Variants in AGTPBP1 observed in about 807,000 individuals in gnomAD.
AGTPBP1 encodes the protein cytosolic carboxypeptidase 1.
Under a neutral mutation model 143.9 loss-of-function variants are expected in AGTPBP1, and 70 were observed. That is an observed-to-expected ratio of 0.49 (90% CI 0.40 to 0.59). AGTPBP1 has a LOEUF of 0.59. Ranked by LOEUF, AGTPBP1 falls within the 20% of genes least tolerant of loss-of-function variation. The probability of loss-of-function intolerance (pLI) is 0.00; values close to 1 mark genes in which losing one functional copy is unlikely to be tolerated. For missense variants in AGTPBP1, 1,229 were observed against 1,464.5 expected (o/e 0.84, Z 2.62); for synonymous variants, 463 against 500.2 (o/e 0.93, Z 0.99).
intron 18 of AGTPBP1, among the ~76,000 whole-genome samples, chr9:85,594,489 G>A (rs1829169872): frequency 6.6e-6 from 1 of 152,108 alleles, no homozygotes; most frequent in Non-Finnish European, 1.5e-5. Context: ...TGAGGTGAGA[G>A]GATCACTTGA....
intron 11 of AGTPBP1, among the ~76,000 whole-genome samples, chr9:85,647,169 C>T (rs937895732): frequency 9.9e-5 from 15 of 152,060 alleles, no homozygotes; most frequent in Non-Finnish European, 1.6e-4. Context: ...CCCAGCTACT[C>T]GGGAGGCTGA....
chr9:85,547,764 C>CAT (rs761857687), intron 25 of AGTPBP1, among the ~76,000 whole-genome samples: 1 of 152,304 alleles, frequency 6.6e-6, no homozygotes, highest in South Asian at 2.1e-4. Context: ...AAAAACAGCC[C>CAT]ATATACCCAC....
intron 17 of AGTPBP1, among the ~76,000 whole-genome samples, chr9:85,600,316 C>G (rs969203749): frequency 3.3e-5 from 5 of 152,112 alleles, no homozygotes; most frequent in African/African-American, 1.2e-4. Flanking sequence ...ATAAAACTCA[C>G]CATAACACAA....
intron 7 of AGTPBP1, among the ~76,000 whole-genome samples, chr9:85,672,316 G>C (rs988701208): frequency 6.6e-6 from 1 of 152,030 alleles, no homozygotes; most frequent in Non-Finnish European, 1.5e-5. Flanking sequence ...TGATCCGCCC[G>C]CCTTGGCCTC....
At chr9:85,769,148 C>T in the AGTPBP1 span, among the ~76,000 whole-genome samples, 1 of 151,538 alleles carries the variant, frequency 6.6e-6, no homozygotes, top group Non-Finnish European at 1.5e-5. Flanking sequence ...ACCAAGGACA[C>T]ATGAAATTTT....
intron 1 of AGTPBP1, among the ~76,000 whole-genome samples, chr9:85,734,028 C>T (rs145531759): frequency 0.015 from 2,257 of 152,178 alleles, 24 homozygotes; most frequent in Middle Eastern, 0.037. Context: ...CCAAGGTGGG[C>T]GGATCACAAG....
chr9:85,636,777 G>A (rs1044620098), intron 13 of AGTPBP1, among the ~76,000 whole-genome samples: 8 of 152,036 alleles, frequency 5.3e-5, no homozygotes, highest in South Asian at 2.1e-4. Flanking sequence ...CTGAAGAAGA[G>A]AACGCAGAGT....
intron 2 of AGTPBP1, among the ~76,000 whole-genome samples, chr9:85,700,082 T>C (rs369617525): frequency 3.3e-5 from 5 of 152,144 alleles, no homozygotes; most frequent in Non-Finnish European, 7.4e-5. Flanking sequence ...ATGAGGCCTC[T>C]GGAAAACAGC....
chr9:85,560,358 C>A (rs2132837079), intron 25 of AGTPBP1, among the ~76,000 whole-genome samples: 1 of 152,238 alleles, frequency 6.6e-6, no homozygotes, highest in Non-Finnish European at 1.5e-5. Context: ...GGAGTTAGAC[C>A]TTCAAATTCC....
chr9:85,647,720 T>C (rs1832904828), intron 11 of AGTPBP1, among the ~76,000 whole-genome samples: 1 of 152,212 alleles, frequency 6.6e-6, no homozygotes, highest in Admixed American at 6.5e-5. Flanking sequence ...AACAGATTTC[T>C]ATGTGAATGT....
chr9:85,753,801 GATA>G, the AGTPBP1 span, among the ~76,000 whole-genome samples: 1 of 140,586 alleles, frequency 7.1e-6, no homozygotes, highest in African/African-American at 2.6e-5. Flanking sequence ...TAGATAGATA[GATA>G]GATGTAAAAA....
intron 1 of AGTPBP1, among the ~76,000 whole-genome samples, chr9:85,721,723 C>A (rs1003285594): frequency 2.6e-5 from 4 of 152,072 alleles, no homozygotes; most frequent in African/African-American, 9.7e-5. Flanking sequence ...ATGATGTTAG[C>A]TGGTTATTTT....
chr9:85,638,266 A>G (rs1248712918), intron 13 of AGTPBP1, among the ~76,000 whole-genome samples: 1 of 152,174 alleles, frequency 6.6e-6, no homozygotes, highest in Non-Finnish European at 1.5e-5. Context: ...AATCTAGAGT[A>G]ACTAGAATTT....
intron 1 of AGTPBP1, among the ~76,000 whole-genome samples, chr9:85,714,010 C>A (rs912198485): frequency 6.6e-6 from 1 of 152,194 alleles, no homozygotes; most frequent in East Asian, 1.9e-4. Flanking sequence ...ACTAACAGCA[C>A]ATCTCATGAA....
At chr9:85,632,031 A>G (rs1424018029) in intron 14 of AGTPBP1, among the ~76,000 whole-genome samples, 1 of 151,892 alleles carries the variant, frequency 6.6e-6, no homozygotes, top group African/African-American at 2.4e-5. Flanking sequence ...TACTGTCTAT[A>G]TTGTTTCATT....
chr9:85,712,397 T>C (rs2134489562), intron 2 of AGTPBP1, 105 bp downstream of exon 2: 1 of 548,340 alleles, frequency 1.8e-6, no homozygotes. Flanking sequence ...ATATAACATA[T>C]TATACTTAAA....
chr9:85,627,092 A>G (rs992262495), intron 14 of AGTPBP1, among the ~76,000 whole-genome samples: 11 of 152,226 alleles, frequency 7.2e-5, no homozygotes, highest in African/African-American at 2.7e-4. Context: ...GAGGTGAATC[A>G]AAAGAATTAT....
intron 6 of AGTPBP1, among the ~76,000 whole-genome samples, chr9:85,673,995 C>T (rs960128497): frequency 6.6e-5 from 10 of 151,442 alleles, no homozygotes; most frequent in South Asian, 4.2e-4. Flanking sequence ...TGGTGGCGGG[C>T]GCCTGCAGTC....
At chr9:85,682,629 A>G (rs1484027650) in intron 3 of AGTPBP1, among the ~76,000 whole-genome samples, 5 of 152,204 alleles carry the variant, frequency 3.3e-5, no homozygotes, top group African/African-American at 1.2e-4. Context: ...CCCACTCTCA[A>G]TACAGTACAT....
Sources: allele counts gnomAD v4.1 joint callset (sites outside exome capture counted in the v4.1 genomes callset), GRCh38; gene constraint gnomAD v4.1.1; transcripts MANE v1.5; gene names NCBI Gene and HGNC (gene_info 2026-07-23, HGNC 2026-07-21).